The following NEURL1 variants were observed in gnomAD, a reference collection of about 807,000 sequenced individuals.
NEURL1 encodes E3 ubiquitin-protein ligase NEURL1.
A neutral mutation model predicts 41.2 loss-of-function variants in NEURL1; 26 were observed. The observed-to-expected ratio is 0.63, with a 90% CI of 0.46 to 0.87. NEURL1 has a LOEUF of 0.87. NEURL1 is among the 40% of genes least tolerant of loss of function. The pLI is 0.00. For missense variants in NEURL1, 761 were observed against 871.1 expected (o/e 0.87, Z 1.59); for synonymous variants, 400 against 402.3 (o/e 0.99, Z 0.07).
At chr10:103,501,681 G>A (rs1718187295) in intron 1 of NEURL1, among the ~76,000 whole-genome samples, 1 of 143,568 alleles carries the variant, frequency 7.0e-6, no homozygotes, top group South Asian at 2.3e-4. Flanking sequence ...CACCCAGGCT[G>A]GAGTGCAATG....
In NEURL1 at chr10:103,566,080, A is replaced by G. The variant is rs186199737; in HGVS notation, c.86-4792A>G. Among the ~76,000 whole-genome samples, 3 of 151,970 alleles carry G rather than the reference A, an allele frequency of 2.0e-5. No homozygotes were observed. Among genetic ancestry groups the G allele is most frequent in the Non-Finnish European group, 2.9e-5 (2 of 67,954 alleles). ...CTACCCCAGTCTCAAGATATGGAACATTATTTCTTTCTTTTCTTTTTTTTT... is the reference window on the plus strand; with the variant it reads ...CTACCCCAGTCTCAAGATATGGAACGTTATTTCTTTCTTTTCTTTTTTTTT... On this transcript the variant is annotated intron_variant, in intron 1 of 5. Coordinates refer to ENST00000369780, the MANE Select transcript of NEURL1 (RefSeq NM_004210.5). This position sits in a 1 kb window ranked among gnomAD's most constrained non-coding sequence, Gnocchi z 4.2.
chr10:103,511,024 C>G, intron 1 of NEURL1, among the ~76,000 whole-genome samples: 1 of 152,216 alleles, frequency 6.6e-6, no homozygotes, highest in East Asian at 1.9e-4. Flanking sequence ...GACTTGGCCT[C>G]TTAGCCCGCA....
At chr10:103,501,496 A>G (rs573738047) in intron 1 of NEURL1, among the ~76,000 whole-genome samples, 1 of 152,254 alleles carries the variant, frequency 6.6e-6, no homozygotes, top group African/African-American at 2.4e-5. Context: ...AGGAAAAAAA[A>G]ACAACAAAAA....
intron 1 of NEURL1, chr10:103,555,189 G>A (rs2035120325): frequency 8.0e-6 from 4 of 498,548 alleles, no homozygotes; most frequent in Non-Finnish European, 1.0e-5. Flanking sequence ...GGCCGCGGGC[G>A]GGCGGCGTGC....
At chr10:103,585,662 G>C (rs1481544266) in intron 4 of NEURL1, among the ~76,000 whole-genome samples, 1 of 151,932 alleles carries the variant, frequency 6.6e-6, no homozygotes, top group Non-Finnish European at 1.5e-5. Context: ...GTGAAACCCC[G>C]TCTCTACTAA....
intron 1 of NEURL1, among the ~76,000 whole-genome samples, chr10:103,559,901 C>A (rs1388838126): frequency 6.6e-6 from 1 of 151,906 alleles, no homozygotes; most frequent in Admixed American, 6.6e-5. Flanking sequence ...CATGCATGCA[C>A]ACACACAACA....
At position 103,533,027 on chromosome 10, in the gene NEURL1, C is replaced by T. The variant is rs576665868; in HGVS notation, c.86-37845C>T. The stretch of plus-strand genomic sequence containing the variant: ...CTGCAAGCTCTGCCTCCTGGCTTCA[C>T]GCCATTCTCCTGCCTCAGCCTCCCG... On this transcript the variant is annotated intron_variant, in intron 1 of 5. Coordinates refer to ENST00000369780, the MANE Select transcript of NEURL1 (RefSeq NM_004210.5). Among the ~76,000 whole-genome samples the T allele has an allele frequency of 2.7e-3, 403 of 148,232 alleles. 5 individuals are homozygous for T. The highest frequency in any genetic ancestry group is 3.8e-3 in the Non-Finnish European group (257 of 67,278).
chr10:103,543,738 A>G (rs2034869256), intron 1 of NEURL1, among the ~76,000 whole-genome samples: 1 of 152,142 alleles, frequency 6.6e-6, no homozygotes, highest in African/African-American at 2.4e-5. Context: ...GGGCATTGGG[A>G]TGATCTCAGA....
At position 103,584,747 on chromosome 10, in the gene NEURL1, G is replaced by A. The variant is rs1426106165; in HGVS notation, c.861G>A (p.Pro287=). 6.2e-6 allele frequency: 9 copies of A among 1,461,756 alleles called. No individual in the cohort carries two copies. Among genetic ancestry groups the A allele is most frequent in the East Asian group, 3.0e-5 (1 of 33,368 alleles). The allele number at this position is 1,461,756 out of a possible 1,614,324, so 90.5% of individuals were successfully genotyped here. The change falls in exon 4 of 6, where the codon CCG becomes CCA. Residue 287 remains proline, a synonymous_variant. Coordinates refer to ENST00000369780, the MANE Select transcript of NEURL1 (RefSeq NM_004210.5). The part of the protein sequence containing the change: ...SLNSQHSRAL[P]AQLDGDLRFH... ...ACTCGCAGCACAGCCGCGCGCTGCC[G>A]GCGCAGCTCGACGGCGACCTGCGTT...
chr10:103,495,374 A>ACC (rs1374061116), intron 1 of NEURL1, among the ~76,000 whole-genome samples: 2 of 152,132 alleles, frequency 1.3e-5, no homozygotes, highest in Non-Finnish European at 2.9e-5. Flanking sequence ...CAGAAAGAAT[A>ACC]CCCCACTTCC....
intron 1 of NEURL1, among the ~76,000 whole-genome samples, chr10:103,557,853 A>T (rs939315426): frequency 3.3e-5 from 5 of 152,088 alleles, no homozygotes; most frequent in African/African-American, 1.2e-4. Context: ...ACACATTGAA[A>T]TGGTCCTTGA....
At chr10:103,590,000 A>G in intron 5 of NEURL1, 134 bp from the exon 6 acceptor site, 1 of 922,786 alleles carries the variant, frequency 1.1e-6, no homozygotes, top group Admixed American at 1.9e-5. Flanking sequence ...GTGCCCTGGA[A>G]GTTGGGTTGT....
intron 1 of NEURL1, among the ~76,000 whole-genome samples, chr10:103,562,382 C>G (rs1429065868): frequency 6.6e-6 from 1 of 152,192 alleles, no homozygotes; most frequent in Non-Finnish European, 1.5e-5. Context: ...GACTCCGTCT[C>G]AAAGCAAACA....
chr10:103,546,663 G>A, intron 1 of NEURL1, among the ~76,000 whole-genome samples: 1 of 152,256 alleles, frequency 6.6e-6, no homozygotes, highest in Admixed American at 6.5e-5. Flanking sequence ...TGGGGGCCCA[G>A]AGCAGATGTT....
At chr10:103,571,433 G>A in intron 2 of NEURL1, 68 bp from the exon 3 acceptor site, 1 of 1,479,872 alleles carries the variant, frequency 6.8e-7, no homozygotes. Context: ...GTCCACCGCA[G>A]GGAGGCTGCC....
intron 1 of NEURL1, among the ~76,000 whole-genome samples, chr10:103,521,673 A>T (rs1424148918): frequency 6.6e-6 from 1 of 152,148 alleles, no homozygotes; most frequent in Non-Finnish European, 1.5e-5. Context: ...CTGGAAGGAG[A>T]TATTCTCCTT....
At chr10:103,544,421 G>A (rs983331467) in intron 1 of NEURL1, among the ~76,000 whole-genome samples, 2 of 152,126 alleles carry the variant, frequency 1.3e-5, no homozygotes, top group African/African-American at 2.4e-5. Flanking sequence ...TGCTTCTTCA[G>A]ACAGTTTAGA....
intron 1 of NEURL1, among the ~76,000 whole-genome samples, chr10:103,526,928 C>CTT (rs112480877): frequency 0.041 from 6,068 of 147,222 alleles, 258 homozygotes; most frequent in South Asian, 0.23. Context: ...GTGGTATCAT[C>CTT]TTTTTTTTTT....
Position 103,590,262 on chromosome 10 carries a change from A to C in NEURL1, c.1615A>C (p.Met539Leu), listed in dbSNP as rs1488048350. Residue 539 changes from methionine to leucine, a missense_variant, in exon 6 of 6, where the codon ATG (methionine) becomes CTG (leucine). By Grantham distance (15) the Met-to-Leu change is conservative. Transcript: ENST00000369780. ...CACGGTCATCTACACATGTGGCCACATGTGCCTCTGCTACGCCTGTGGCCT... is the reference window on the plus strand; with the variant it reads ...CACGGTCATCTACACATGTGGCCACCTGTGCCTCTGCTACGCCTGTGGCCT... ...VDTVIYTCGH[M>L]CLCYACGLRL... 6.2e-7 allele frequency: 1 copy of C among 1,614,140 alleles called. No individual in the cohort carries two copies. The highest frequency in any genetic ancestry group is 8.5e-7 in the Non-Finnish European group (1 of 1,180,012).
Sources: allele counts gnomAD v4.1 joint callset (sites outside exome capture counted in the v4.1 genomes callset), GRCh38; gene constraint gnomAD v4.1.1; non-coding constraint Gnocchi (gnomAD v3.1); transcripts MANE v1.5; gene names NCBI Gene and HGNC (gene_info 2026-07-23, HGNC 2026-07-21).